EML5: variants seen among roughly 807,000 people sequenced by gnomAD.
The protein encoded by EML5 is echinoderm microtubule-associated protein-like 5.
In EML5, 120 loss-of-function variants were observed where a neutral mutation model predicts 250.0. The ratio of observed to expected loss-of-function variants is 0.48; its 90% CI spans 0.41 to 0.56. The LOEUF (loss-of-function observed/expected upper bound fraction) is 0.56. Ranked by LOEUF, EML5 falls within the 20% of genes least tolerant of loss-of-function variation. The pLI is 0.00. For missense variants in EML5, 2,006 were observed against 2,437.6 expected, an observed-to-expected ratio of 0.82 and a Z score of 3.73; for synonymous variants, 771 against 806.5, an observed-to-expected ratio of 0.96 and a Z score of 0.75.
chr14:88,718,446 G>T (rs2093537701), intron 8 of EML5, among the ~76,000 whole-genome samples: 1 of 152,158 alleles, frequency 6.6e-6, no homozygotes, highest in Non-Finnish European at 1.5e-5. Flanking sequence ...GAAGAAAATG[G>T]GGCTAGAGAG....
intron 8 of EML5, among the ~76,000 whole-genome samples, chr14:88,719,511 T>C (rs2139989213): frequency 6.6e-6 from 1 of 152,356 alleles, no homozygotes; most frequent in Non-Finnish European, 1.5e-5. Context: ...TCTTCCACTA[T>C]TATGAAGTCT....
chr14:88,691,033 T>C (rs374714875), intron 17 of EML5, among the ~76,000 whole-genome samples: 1 of 152,176 alleles, frequency 6.6e-6, no homozygotes, highest in Admixed American at 6.5e-5. Flanking sequence ...GTAACTAGCA[T>C]CTGCCCAGAG....
rs373988184 is a variant in EML5, at chr14:88,734,845, G to C, written c.1049+1519C>G. ...GGAAACGCTGAATAAACTGTAAGAA[G>C]AACAAAAAGGGAAGGAAGAAAGCTG... On this transcript the variant is annotated intron_variant, in intron 7 of 43. Transcript: ENST00000554922. 7.9e-5 allele frequency among the ~76,000 whole-genome samples: 12 copies of C among 152,060 alleles called. No individual in the cohort carries two copies. In the South Asian group the frequency reaches 1.0e-3, roughly 13 times the overall value.
chr14:88,730,058 T>G (rs1164687279), intron 7 of EML5, among the ~76,000 whole-genome samples: 1 of 152,152 alleles, frequency 6.6e-6, no homozygotes, highest in Non-Finnish European at 1.5e-5. Flanking sequence ...GCTATCTGTA[T>G]TACCATATAG....
chr14:88,617,417 G>A (rs895934244), intron 41 of EML5: 1 of 152,498 alleles, frequency 6.6e-6, no homozygotes, highest in Non-Finnish European at 1.5e-5. Context: ...AAAGTGCTGG[G>A]ATTACAGGCT....
intron 9 of EML5, 34 bp from the exon 10 acceptor site, chr14:88,712,517 TA>T: frequency 6.5e-7 from 1 of 1,549,364 alleles, no homozygotes; most frequent in South Asian, 1.2e-5. Context: ...TTTAAAAAGT[TA>T]TTTCATTTGA....
intron 14 of EML5, among the ~76,000 whole-genome samples, chr14:88,699,957 T>TAC (rs931393518): frequency 6.6e-6 from 1 of 151,982 alleles, no homozygotes; most frequent in Non-Finnish European, 1.5e-5. Context: ...TATCTATATA[T>TAC]ACACACACAC....
intron 8 of EML5, among the ~76,000 whole-genome samples, chr14:88,723,320 T>G (rs575712099): frequency 6.6e-6 from 1 of 152,294 alleles, no homozygotes; most frequent in South Asian, 2.1e-4. Context: ...ATGAACCTGG[T>G]GCACATTATG....
chr14:88,730,464 T>C (rs2093738016), intron 7 of EML5, among the ~76,000 whole-genome samples: 1 of 152,230 alleles, frequency 6.6e-6, no homozygotes, highest in Non-Finnish European at 1.5e-5. Flanking sequence ...TGCAGCAGCT[T>C]AAGAAATATG....
At chr14:88,696,581 G>T (rs911702028) in intron 15 of EML5, among the ~76,000 whole-genome samples, 35 of 152,176 alleles carry the variant, frequency 2.3e-4, no homozygotes, top group African/African-American at 8.2e-4. Context: ...ATGAATTTAG[G>T]TTGTTACGTA....
In EML5 at chr14:88,622,471, A is replaced by C. The variant is rs2089176889; in HGVS notation, c.5013+133T>G. Reference sequence around the variant, plus strand: ...TTGGCAAAGAAAGCAGCAAAGACAGAGTAATGTTGGCAAGCAAATCCATCG... The same window carrying C: ...TTGGCAAAGAAAGCAGCAAAGACAGCGTAATGTTGGCAAGCAAATCCATCG... On this transcript the variant is annotated intron_variant, in intron 37 of 43. Transcript: ENST00000554922. The C allele has an allele frequency of 4.6e-6, 3 of 656,134 alleles. No homozygotes were observed. The East Asian group carries it at 9.4e-5, about 21-fold the overall frequency. The allele number at this position is 656,134 out of a possible 1,614,324, so 40.6% of individuals were successfully genotyped here.
At chr14:88,776,275 C>T (rs2094446281) in intron 1 of EML5, among the ~76,000 whole-genome samples, 1 of 152,098 alleles carries the variant, frequency 6.6e-6, no homozygotes. Context: ...AATAAGCTAC[C>T]AGGGACCAAT....
rs765628866 is a variant in EML5, at chr14:88,638,897, A to T, written c.4248T>A (p.Ser1416Arg). Residue 1416 changes from serine to arginine, a missense_variant, in exon 32 of 44, where the codon AGT becomes AGA. Ser to Arg is a moderately radical substitution (Grantham distance 110). Coordinates refer to ENST00000554922, the MANE Select transcript of EML5 (RefSeq NM_183387.3). ...TATCATCATTATGTTCCTGATAAAA[A>T]CTCTGAGAACCTACAAAAAAGAATT... is the stretch of plus-strand genomic sequence containing the variant. ...ILHNVATGSQ[S>R]FYQEHNDDIL... is the part of the protein sequence containing the mutation. 2 of 1,569,498 alleles carry T rather than the reference A, an allele frequency of 1.3e-6. No homozygotes were observed. Among genetic ancestry groups the T allele is most frequent in the East Asian group, 4.6e-5 (2 of 43,870 alleles).
intron 25 of EML5, 108 bp from the exon 26 acceptor site, chr14:88,658,496 G>A (rs954009494): frequency 5.9e-6 from 5 of 853,578 alleles, no homozygotes; most frequent in Admixed American, 3.2e-5. Context: ...CATTTCAAGT[G>A]CAATGTGTTA....
intron 2 of EML5, among the ~76,000 whole-genome samples, chr14:88,753,048 G>C (rs1273660143): frequency 6.6e-6 from 1 of 152,116 alleles, no homozygotes; most frequent in Non-Finnish European, 1.5e-5. Context: ...AACCCAAAAA[G>C]GCTGTCACAC....
intron 9 of EML5, among the ~76,000 whole-genome samples, chr14:88,713,996 C>T (rs35093358): frequency 0.18 from 26,626 of 151,474 alleles, 2,882 homozygotes; most frequent in East Asian, 0.47. Flanking sequence ...TACCACCATG[C>T]CTGGCTAGTT....
At chr14:88,727,763 C>T (rs758358447) in intron 7 of EML5, among the ~76,000 whole-genome samples, 1 of 152,028 alleles carries the variant, frequency 6.6e-6, no homozygotes, top group Non-Finnish European at 1.5e-5. Flanking sequence ...TTATTTCTAC[C>T]CTGACCAAAG....
intron 2 of EML5, among the ~76,000 whole-genome samples, chr14:88,748,398 T>A (rs2094039817): frequency 2.6e-5 from 4 of 152,098 alleles, no homozygotes; most frequent in Non-Finnish European, 5.9e-5. Context: ...AATCCTGAGG[T>A]CAGGAGGAGA....
At chr14:88,723,292 T>G (rs914705618) in intron 8 of EML5, among the ~76,000 whole-genome samples, 1 of 152,140 alleles carries the variant, frequency 6.6e-6, no homozygotes, top group African/African-American at 2.4e-5. Context: ...GAAAATCCTG[T>G]CATTTGCTAC....
Sources: allele counts gnomAD v4.1 joint callset (sites outside exome capture counted in the v4.1 genomes callset), GRCh38; gene constraint gnomAD v4.1.1; transcripts MANE v1.5; gene names NCBI Gene and HGNC (gene_info 2026-07-23, HGNC 2026-07-21).